Variants in PACSIN2 observed in about 807,000 individuals in gnomAD.
PACSIN2 encodes the protein protein kinase C and casein kinase substrate in neurons 2, also known as protein kinase C and casein kinase substrate in neurons protein 2.
A neutral mutation model predicts 63.8 loss-of-function variants in PACSIN2; 25 were observed. That is an observed-to-expected ratio of 0.39 (90% CI 0.29 to 0.55). PACSIN2 has a LOEUF of 0.55. Ranked by LOEUF, PACSIN2 falls within the 20% of genes least tolerant of loss-of-function variation. The pLI is 0.62. For missense variants in PACSIN2, 518 were observed against 646.9 expected, an observed-to-expected ratio of 0.80 and a Z score of 2.16; for synonymous variants, 255 against 256.2, an observed-to-expected ratio of 1.00 and a Z score of 0.05.
intron 2 of PACSIN2, among the ~76,000 whole-genome samples, chr22:42,910,595 C>T (rs965593078): frequency 6.6e-5 from 10 of 152,244 alleles, no homozygotes; most frequent in African/African-American, 1.2e-4. Flanking sequence ...TCTAGTTTCA[C>T]GGCCAACCTC....
chr22:43,009,856 A>ATTTTT (rs1924338952), intron 1 of PACSIN2, among the ~76,000 whole-genome samples: 1 of 110,846 alleles, frequency 9.0e-6, no homozygotes, highest in African/African-American at 3.4e-5. Context: ...ACATCATTTT[A>ATTTTT]TTTTTTCTAT....
rs780288450 is a variant in PACSIN2 at position 42,876,868 on chromosome 22, G to A, written c.1151+20C>T. 20 of 1,613,822 alleles carry A rather than the reference G, an allele frequency of 1.2e-5. No homozygotes were observed. The highest frequency in any genetic ancestry group is 1.6e-5 in the Non-Finnish European group (19 of 1,179,916). On this transcript the variant is annotated intron_variant, in intron 9 of 10. Transcript: ENST00000263246. ...ACAGAGTGAGCGCGGTGGGAGCAGA[G>A]GAAGCATTTGTTCACCAACTTTTTG... is the stretch of plus-strand genomic sequence containing the variant.
chr22:42,986,059 C>T (rs1922589813), intron 1 of PACSIN2, among the ~76,000 whole-genome samples: 1 of 152,232 alleles, frequency 6.6e-6, no homozygotes. Context: ...CAACGATCCC[C>T]TTGCTCTGTA....
chr22:42,920,984 C>T (rs934244211), intron 1 of PACSIN2, among the ~76,000 whole-genome samples: 1 of 151,624 alleles, frequency 6.6e-6, no homozygotes, highest in Non-Finnish European at 1.5e-5. Flanking sequence ...CCAGTAGAGA[C>T]GGGGTTTCGT....
chr22:42,882,813 T>TAGG (rs1338582945), intron 6 of PACSIN2, among the ~76,000 whole-genome samples: 1 of 152,058 alleles, frequency 6.6e-6, no homozygotes, highest in African/African-American at 2.4e-5. Flanking sequence ...CTCACCTTCC[T>TAGG]AGGAAGCTGC....
chr22:42,903,399 T>C (rs1930840649), intron 2 of PACSIN2, among the ~76,000 whole-genome samples: 3 of 152,208 alleles, frequency 2.0e-5, no homozygotes, highest in South Asian at 4.1e-4. Context: ...TGACTGTTGA[T>C]ATTAGGGTTG....
Position 42,887,373 on chromosome 22 carries a change from G to A in PACSIN2, c.609+1270C>T, listed in dbSNP as rs544475601. ...CCTGCTCTCACCTGCTGGATGGCAC[G>A]TGACTTAACCTCTCTGATCTTGGTT... On this transcript the variant is annotated intron_variant, in intron 5 of 10. Transcript: ENST00000263246. Among the ~76,000 whole-genome samples the A allele has an allele frequency of 1.5e-4, 23 of 152,344 alleles. No homozygotes were observed. The South Asian group carries it at 4.8e-3, about 32-fold the overall frequency.
intron 1 of PACSIN2, among the ~76,000 whole-genome samples, chr22:42,987,493 C>CA (rs1569355103): frequency 0.14 from 12,591 of 90,752 alleles, 1,094 homozygotes; most frequent in East Asian, 0.42. Context: ...CACACACACA[C>CA]CCATGGCACC....
At chr22:42,931,158 C>T (rs1932770717) in intron 1 of PACSIN2, among the ~76,000 whole-genome samples, 1 of 152,246 alleles carries the variant, frequency 6.6e-6, no homozygotes, top group East Asian at 1.9e-4. Flanking sequence ...CTGCCTTGTT[C>T]ACAGTTGTAT....
intron 2 of PACSIN2, among the ~76,000 whole-genome samples, chr22:42,909,109 G>A (rs1408901388): frequency 1.3e-5 from 2 of 151,996 alleles, no homozygotes; most frequent in African/African-American, 2.4e-5. Flanking sequence ...TCCTTCATTC[G>A]TCCAGCAAGC....
Position 42,876,138 on chromosome 22 carries a change from A to C in PACSIN2, c.1347T>G (p.Ala449=). ...TGGATGCTGGGGGAGCCCACCTACC[A>C]GCCTTGAAGCTCAGCTCATCATGCT... The part of the protein sequence containing the change: ...GQEHDELSFK[A]GDELTKMEDE... Residue 449 remains alanine (A), a splice_region_variant and synonymous_variant, in exon 10 of 11, where the codon GCT becomes GCG. Coordinates refer to ENST00000263246, the MANE Select transcript of PACSIN2 (RefSeq NM_001184970.3). 6.2e-7 allele frequency: 1 copy of C among 1,604,600 alleles called. No homozygotes were observed. The highest frequency in any genetic ancestry group is 1.1e-5 in the South Asian group (1 of 90,952).
chr22:42,973,003 C>A (rs764022480), intron 1 of PACSIN2, among the ~76,000 whole-genome samples: 14 of 152,196 alleles, frequency 9.2e-5, no homozygotes, highest in Admixed American at 2.0e-4. Flanking sequence ...TCATTGTGAA[C>A]CAGATTTATC....
At chr22:42,938,063 T>C (rs187327633) in intron 1 of PACSIN2, among the ~76,000 whole-genome samples, 1 of 152,194 alleles carries the variant, frequency 6.6e-6, no homozygotes, top group African/African-American at 2.4e-5. Flanking sequence ...AGATTCTAGA[T>C]GACAGCCCTA....
intron 10 of PACSIN2, among the ~76,000 whole-genome samples, chr22:42,874,313 G>GT (rs1928405386): frequency 8.1e-6 from 1 of 122,796 alleles, no homozygotes; most frequent in African/African-American, 3.6e-5. Context: ...GAGTGAGACC[G>GT]TGTCTCTATT....
chr22:42,872,187 C>CTG (rs1192320569), intron 10 of PACSIN2, among the ~76,000 whole-genome samples: 1 of 152,204 alleles, frequency 6.6e-6, no homozygotes, highest in African/African-American at 2.4e-5. Context: ...ATGAGAGGAA[C>CTG]TGATGGATCC....
chr22:42,887,603 C>A lies in PACSIN2; in HGVS notation c.609+1040G>T, dbSNP rs546515252. Among the ~76,000 whole-genome samples the A allele has an allele frequency of 3.9e-5, 6 of 152,208 alleles. No homozygotes were observed. The South Asian group carries it at 1.2e-3, about 32-fold the overall frequency. ...CAAACACCGAGGCAGGGCAGGCCCT[C>A]GGCAATCACACCCCCCAGCCCTCAC... On this transcript the variant is annotated intron_variant, in intron 5 of 10. Transcript: ENST00000263246.
intron 1 of PACSIN2, among the ~76,000 whole-genome samples, chr22:42,959,396 T>A (rs769329833): frequency 6.6e-6 from 1 of 152,100 alleles, no homozygotes; most frequent in East Asian, 1.9e-4. Context: ...AAGAAAAAAA[T>A]ACAGCTAAAG....
At chr22:42,948,786 A>G (rs1933546623) in intron 1 of PACSIN2, among the ~76,000 whole-genome samples, 1 of 152,216 alleles carries the variant, frequency 6.6e-6, no homozygotes, top group Non-Finnish European at 1.5e-5. Flanking sequence ...GAGCCAAAGC[A>G]CTCTACTGTA....
chr22:42,877,034 G>A (rs767621432), intron 8 of PACSIN2, 24 bp from the exon 9 acceptor site: 88 of 1,613,608 alleles, frequency 5.5e-5, no homozygotes, highest in Non-Finnish European at 7.4e-5. Flanking sequence ...GAGCTTTCAG[G>A]GGATCCCAGC....
Sources: gnomAD v4.1 joint callset for allele counts (sites outside exome capture counted in the v4.1 genomes callset) on GRCh38, gnomAD v4.1.1 for gene constraint, MANE v1.5 for transcripts, NCBI Gene and HGNC (gene_info 2026-07-23, HGNC 2026-07-21) for gene names.